The following DNAH11 variants were observed in gnomAD, a reference collection of about 807,000 sequenced individuals.
DNAH11 encodes dynein axonemal heavy chain 11, also known as axonemal beta dynein heavy chain 11.
A neutral mutation model predicts 526.0 loss-of-function variants in DNAH11; 442 were observed. The observed-to-expected ratio is 0.84, with a 90% CI of 0.78 to 0.91. The LOEUF is 0.91. Ranked by LOEUF, DNAH11 falls within the 40% of genes least tolerant of loss-of-function variation. The pLI is 0.00. For missense variants in DNAH11, 6,989 were observed against 5,448.7 expected (o/e 1.28, Z -8.90); for synonymous variants, 2,461 against 1,935.9 (o/e 1.27, Z -7.12).
In DNAH11 at chr7:21,744,512, C is replaced by T. The variant is rs1318056296; in HGVS notation, c.8229C>T (p.Ala2743=). The T allele has an allele frequency of 6.2e-7, 1 of 1,613,770 alleles. No individual in the cohort carries two copies. Among genetic ancestry groups the T allele is most frequent in the Admixed American group, 1.7e-5 (1 of 60,006 alleles). The change falls in exon 50 of 82, where the codon GCC becomes GCT. Residue 2743 remains alanine (A), a synonymous_variant. Coordinates refer to ENST00000409508, the MANE Select transcript of DNAH11 (RefSeq NM_001277115.2). ...DLIHLWLHES[A]RVYGDKLIDK... is the part of the protein sequence containing the mutation. ...TACATCTGTGGCTTCATGAATCTGC[C>T]CGTGTTTATGGAGACAAACTGATAG...
In DNAH11 at chr7:21,765,449, G is replaced by A. The variant is rs1249535273; in HGVS notation, c.8962G>A (p.Val2988Ile). ...QLKIILCFSP[V>I]GRTLRVRARK... ...ACAGATCATTTTGTGTTTCTCTCCA[G>A]TTGGTCGCACGCTGAGAGTTAGAGC... The change falls in exon 55 of 82, where the codon GTT (valine) becomes ATT (isoleucine). Residue 2988 changes from valine (V) to isoleucine (I), a missense_variant. Transcript: ENST00000409508. 3 of 1,613,816 alleles carry A rather than the reference G, an allele frequency of 1.9e-6. No homozygotes were observed. Among genetic ancestry groups the A allele is most frequent in the Non-Finnish European group, 1.7e-6 (2 of 1,179,790 alleles).
At chr7:21,807,860 G>A (rs1402094972) in intron 62 of DNAH11, 23 bp from the exon 63 acceptor site, 1 of 1,578,064 alleles carries the variant, frequency 6.3e-7, no homozygotes. Context: ...AATTACAGCT[G>A]AGTAATTTCA....
chr7:21,834,019 A>G (rs570033070), intron 65 of DNAH11, among the ~76,000 whole-genome samples: 119 of 152,366 alleles, frequency 7.8e-4, no homozygotes, highest in African/African-American at 2.6e-3. Flanking sequence ...AGACGTTTAC[A>G]GAACATTCCA....
At chr7:21,845,665 C>T (rs1010131910) in intron 66 of DNAH11, among the ~76,000 whole-genome samples, 1 of 152,122 alleles carries the variant, frequency 6.6e-6, no homozygotes, top group Non-Finnish European at 1.5e-5. Context: ...TGTCAATTCT[C>T]TGACTTTGTT....
In DNAH11 at chr7:21,901,555, CAAGACTCCATCTCAAAAAAAA is replaced by C. The variant is rs561308487; in HGVS notation, c.*304_*324del. The C allele has an allele frequency of 1.2e-4, 26 of 211,468 alleles. 1 individual carries two copies. The East Asian group carries it at 2.4e-3, about 20-fold the overall frequency. 13.1% of individuals were successfully genotyped at this position (211,468 alleles called of 1,614,324 possible). On this transcript the variant is annotated 3_prime_UTR_variant, in exon 82 of 82. Transcript: ENST00000409508. ...CTGCACTCCCTCCTGGGCAACAGAACAAGACTCCATCTCAAAAAAAAAAAAGTACATCATAAAAGTACATCA... is the reference window on the plus strand; with the variant it reads ...CTGCACTCCCTCCTGGGCAACAGAACAAAAGTACATCATAAAAGTACATCA...
At chr7:21,730,403 G>A (rs1460635812) in intron 45 of DNAH11, among the ~76,000 whole-genome samples, 1 of 152,214 alleles carries the variant, frequency 6.6e-6, no homozygotes. Context: ...GATTAGGAAT[G>A]CTCAACCAGT....
rs111889929 is a variant in DNAH11 at position 21,749,451 on chromosome 7, A to G, written c.8674-227A>G. Among the ~76,000 whole-genome samples the G allele has an allele frequency of 0.022, 3,353 of 152,280 alleles. 58 individuals carry two copies. The highest frequency in any genetic ancestry group is 0.088 in the East Asian group (457 of 5,174). ...TAGCCTGTTTTCATCCCTCTGCTCC[A>G]GTAAGCCAGAAACACGACACTCAAC... On this transcript the variant is annotated intron_variant, in intron 52 of 81. Transcript: ENST00000409508.
chr7:21,728,649 A>G (rs537606453), intron 45 of DNAH11, among the ~76,000 whole-genome samples: 5 of 152,198 alleles, frequency 3.3e-5, no homozygotes, highest in Non-Finnish European at 5.9e-5. Flanking sequence ...CATTTCATCT[A>G]TCAGTTCATT....
In DNAH11 at chr7:21,787,424, A is replaced by T. The variant is rs1454925258; in HGVS notation, c.9765A>T (p.Leu3255Phe). 8 of 1,608,312 alleles carry T rather than the reference A, an allele frequency of 5.0e-6. No individual in the cohort carries two copies. Among genetic ancestry groups the T allele is most frequent in the Non-Finnish European group, 6.8e-6 (8 of 1,177,562 alleles). ...MGKVDDFLQA[L>F]INYDKEHIPE... ...AGGTTGATGATTTTTTGCAAGCATT[A>T]ATTAACTATGACAAAGAGCACATTC... Residue 3255 changes from leucine to phenylalanine, a missense_variant, in exon 60 of 82, where the codon TTA becomes TTT. By Grantham distance (22) the Leu-to-Phe change is conservative. Coordinates refer to ENST00000409508, the MANE Select transcript of DNAH11 (RefSeq NM_001277115.2).
intron 57 of DNAH11, among the ~76,000 whole-genome samples, chr7:21,781,617 G>C (rs1240133143): frequency 6.6e-6 from 1 of 152,102 alleles, no homozygotes; most frequent in Admixed American, 6.5e-5. Flanking sequence ...ATCTTGATTT[G>C]GAATGGCCAT....
chr7:21,788,359 C>G (rs1788283753), intron 60 of DNAH11, among the ~76,000 whole-genome samples: 1 of 152,124 alleles, frequency 6.6e-6, no homozygotes, highest in South Asian at 2.1e-4. Context: ...GGATAGGACT[C>G]TCTTGATCTC....
intron 10 of DNAH11, 74 bp downstream of exon 10, chr7:21,588,275 G>A (rs1445290453): frequency 1.3e-6 from 2 of 1,503,414 alleles, no homozygotes; most frequent in Non-Finnish European, 8.9e-7. Context: ...AGAACTCTAT[G>A]TGATTATATC....
chr7:21,892,764 C>G (rs1457899009), intron 77 of DNAH11, 97 bp downstream of exon 77: 1 of 1,348,022 alleles, frequency 7.4e-7, no homozygotes, highest in Non-Finnish European at 9.9e-7. Context: ...AAGTTTTTAC[C>G]TAGGTTTTAC....
chr7:21,648,416 T>G (rs1201357310), intron 28 of DNAH11, among the ~76,000 whole-genome samples: 2 of 152,224 alleles, frequency 1.3e-5, no homozygotes, highest in Non-Finnish European at 2.9e-5. Context: ...AAATTTTTTG[T>G]ATATCATCAC....
intron 32 of DNAH11, among the ~76,000 whole-genome samples, chr7:21,686,142 C>T (rs924125985): frequency 1.3e-5 from 2 of 152,202 alleles, no homozygotes; most frequent in Non-Finnish European, 2.9e-5. Flanking sequence ...CATAATTAAT[C>T]GCTTCTATTT....
chr7:21,872,504 G>T (rs1486269482), intron 73 of DNAH11, among the ~76,000 whole-genome samples: 1 of 152,072 alleles, frequency 6.6e-6, no homozygotes, highest in East Asian at 1.9e-4. Context: ...TTCAATTACT[G>T]TATCAAGGAC....
intron 28 of DNAH11, among the ~76,000 whole-genome samples, chr7:21,644,209 A>G (rs921596876): frequency 5.3e-5 from 8 of 152,206 alleles, no homozygotes; most frequent in Non-Finnish European, 8.8e-5. Flanking sequence ...TTAGGTGATA[A>G]AAAGCACCAC....
Position 21,808,000 on chromosome 7 carries a change from A to T in DNAH11, c.10283A>T (p.Tyr3428Phe). Residue 3428 changes from tyrosine (Y) to phenylalanine (F), a missense_variant, in exon 63 of 82, where the codon TAT becomes TTT. Tyr to Phe is a conservative substitution (Grantham distance 22, BLOSUM62 3). Transcript: ENST00000409508. ...VSYVGPFTRQ[Y>F]RQELVHCKWV... ...TACGTCGGACCCTTCACAAGGCAGTATCGCCAGGAGCTGGTGCACTGCAAG... is the reference window on the plus strand; with the variant it reads ...TACGTCGGACCCTTCACAAGGCAGTTTCGCCAGGAGCTGGTGCACTGCAAG... 3 of 1,589,910 alleles carry T rather than the reference A, an allele frequency of 1.9e-6. No homozygotes were observed. The highest frequency in any genetic ancestry group is 2.6e-6 in the Non-Finnish European group (3 of 1,163,986).
chr7:21,829,507 ACT>A (rs1235206879), intron 65 of DNAH11, among the ~76,000 whole-genome samples: 1 of 152,106 alleles, frequency 6.6e-6, no homozygotes, highest in Non-Finnish European at 1.5e-5. Context: ...TCTAATAAAG[ACT>A]CTGGTCTACC....
Sources: allele counts gnomAD v4.1 joint callset (sites outside exome capture counted in the v4.1 genomes callset), GRCh38; gene constraint gnomAD v4.1.1; transcripts MANE v1.5; gene names NCBI Gene and HGNC (gene_info 2026-07-23, HGNC 2026-07-21).